Variants in RARB observed in about 807,000 individuals in gnomAD.
RARB encodes retinoic acid receptor beta.
A neutral mutation model predicts 51.9 loss-of-function variants in RARB; 17 were observed. The ratio of observed to expected loss-of-function variants is 0.33; its 90% confidence interval spans 0.22 to 0.49. RARB has a LOEUF of 0.49. Ranked by LOEUF, RARB falls within the 20% of genes least tolerant of loss-of-function variation. The pLI, the probability that RARB is intolerant of heterozygous loss-of-function variation, is 0.99. For synonymous variants in RARB, 215 were observed against 195.4 expected, an observed-to-expected ratio of 1.10 and a Z score of -0.84; for missense variants, 369 against 550.8, an observed-to-expected ratio of 0.67 and a Z score of 3.30.
chr3:25,542,824 A>G (rs1699441037), intron 3 of RARB, among the ~76,000 whole-genome samples: 1 of 152,078 alleles, frequency 6.6e-6, no homozygotes, highest in African/African-American at 2.4e-5. Flanking sequence ...CCTTACATCC[A>G]TTTTCTTACA....
chr3:25,213,467 G>A (rs1385603248), intron 5 of RARB, among the ~76,000 whole-genome samples: 1 of 151,706 alleles, frequency 6.6e-6, no homozygotes, highest in East Asian at 1.9e-4. Context: ...TCATTCTATT[G>A]CTTTGACATT....
chr3:25,283,282 G>C (rs1201006973), intron 5 of RARB, among the ~76,000 whole-genome samples: 3 of 152,214 alleles, frequency 2.0e-5, no homozygotes, highest in Non-Finnish European at 1.5e-5. Context: ...CCAGGCAAAA[G>C]AGCAGAGCTG....
At chr3:25,131,987 AAAAT>A (rs1347811862) in intron 3 of RARB, among the ~76,000 whole-genome samples, 4 of 151,978 alleles carry the variant, frequency 2.6e-5, no homozygotes, top group African/African-American at 9.7e-5. Flanking sequence ...TGAGGCCAAG[AAAAT>A]AAAAAGCAGG....
At chr3:25,038,191 A>G (rs983980216) in intron 2 of RARB, among the ~76,000 whole-genome samples, 4 of 152,160 alleles carry the variant, frequency 2.6e-5, no homozygotes, top group African/African-American at 9.7e-5. Flanking sequence ...CAGTTTCCCC[A>G]TTTTTGTGAT....
At chr3:25,004,273 C>T (rs1372840070) in intron 2 of RARB, among the ~76,000 whole-genome samples, 1 of 151,980 alleles carries the variant, frequency 6.6e-6, no homozygotes, top group Non-Finnish European at 1.5e-5. Flanking sequence ...TCTCTGTGCT[C>T]AAAAAGAGAA....
chr3:25,549,160 G>A (rs1292531491), intron 3 of RARB, among the ~76,000 whole-genome samples: 1 of 151,872 alleles, frequency 6.6e-6, no homozygotes, highest in African/African-American at 2.4e-5. Flanking sequence ...AAGGTTTATT[G>A]TTTTGTCCCA....
chr3:24,877,485 A>G (rs530210178), intron 2 of RARB, among the ~76,000 whole-genome samples: 38 of 151,992 alleles, frequency 2.5e-4, no homozygotes, highest in African/African-American at 9.2e-4. Flanking sequence ...AGGCTATAAA[A>G]GAAACAGTTA....
chr3:25,171,288 A>G (rs1402936295), intron 4 of RARB, among the ~76,000 whole-genome samples: 4 of 151,978 alleles, frequency 2.6e-5, no homozygotes, highest in Non-Finnish European at 5.9e-5. Context: ...AAGAAAAAAG[A>G]GCACTGCTAA....
At chr3:24,865,458 C>A (rs1702829246) in intron 2 of RARB, among the ~76,000 whole-genome samples, 1 of 152,032 alleles carries the variant, frequency 6.6e-6, no homozygotes, top group Admixed American at 6.6e-5. Flanking sequence ...CTTCTGTTAT[C>A]CCCATTTTCC....
intron 2 of RARB, among the ~76,000 whole-genome samples, chr3:25,010,784 G>A (rs941139286): frequency 5.9e-5 from 9 of 151,998 alleles, no homozygotes; most frequent in South Asian, 4.1e-4. Context: ...AACCCTCCCC[G>A]ATCCTTCTTT....
At chr3:25,231,518 C>G (rs745546464) in intron 5 of RARB, among the ~76,000 whole-genome samples, 14 of 152,138 alleles carry the variant, frequency 9.2e-5, no homozygotes, top group African/African-American at 1.4e-4. Flanking sequence ...TTAGGTTACT[C>G]CTCTAAGAAG....
chr3:25,251,891 TTTGC>T (rs1214262372), intron 5 of RARB, among the ~76,000 whole-genome samples: 2 of 152,184 alleles, frequency 1.3e-5, no homozygotes, highest in African/African-American at 4.8e-5. Context: ...CAAATTTGTC[TTTGC>T]TTGTGTTTTT....
chr3:25,232,144 G>T (rs531037638), intron 5 of RARB, among the ~76,000 whole-genome samples: 2 of 152,058 alleles, frequency 1.3e-5, no homozygotes, highest in African/African-American at 4.8e-5. Flanking sequence ...TTTTGTAAAA[G>T]GTTAATTGAC....
intron 3 of RARB, among the ~76,000 whole-genome samples, chr3:25,068,211 G>C (rs1170035265): frequency 8.5e-6 from 1 of 117,082 alleles, no homozygotes; most frequent in Non-Finnish European, 1.7e-5. Context: ...CAAAAAATCT[G>C]TCCCCCTCTC....
chr3:25,211,251 T>C (rs1426064075), intron 5 of RARB, among the ~76,000 whole-genome samples: 1 of 152,094 alleles, frequency 6.6e-6, no homozygotes, highest in Non-Finnish European at 1.5e-5. Context: ...GTAGACAGAA[T>C]CCTAAAAGTG....
At chr3:25,476,730 A>T (rs561191327) in intron 2 of RARB, among the ~76,000 whole-genome samples, 8 of 152,278 alleles carry the variant, frequency 5.3e-5, no homozygotes, top group African/African-American at 1.4e-4. Context: ...TTTTTTCCAC[A>T]ATGGCTTGTT....
In RARB at chr3:25,578,416, A is replaced by G. The variant is rs534734079; in HGVS notation, c.610-2130A>G. Among the ~76,000 whole-genome samples the G allele has an allele frequency of 9.8e-5, 15 of 152,342 alleles. 1 individual carries two copies. The South Asian group carries it at 2.9e-3, about 29-fold the overall frequency. On this transcript the variant is annotated intron_variant, in intron 4 of 7. Coordinates refer to ENST00000330688, the MANE Select transcript of RARB (RefSeq NM_000965.5). ...CTCTCTCTCAGCCCTGGCGCGTGAT[A>G]AAGTTACCTCATGCAATGTTGATGA... is the stretch of plus-strand genomic sequence containing the variant.
chr3:25,137,450 G>T (rs765853034), intron 4 of RARB, among the ~76,000 whole-genome samples: 23 of 151,912 alleles, frequency 1.5e-4, no homozygotes, highest in Non-Finnish European at 3.1e-4. Flanking sequence ...ACAGGTTTGG[G>T]GTTGGTTTAT....
chr3:25,446,219 C>T (rs1013902778), intron 1 of RARB, among the ~76,000 whole-genome samples: 1 of 152,204 alleles, frequency 6.6e-6, no homozygotes, highest in South Asian at 2.1e-4. Context: ...TCTGTCTTTA[C>T]CCTGGAAGTG....
Sources: gnomAD v4.1 joint callset for allele counts (sites outside exome capture counted in the v4.1 genomes callset) on GRCh38, gnomAD v4.1.1 for gene constraint, MANE v1.5 for transcripts, NCBI Gene and HGNC (gene_info 2026-07-23, HGNC 2026-07-21) for gene names.